The following ZNF516 variants were observed in gnomAD, a reference collection of about 807,000 sequenced individuals.
ZNF516 encodes zinc finger protein 516.
In ZNF516, 19 loss-of-function variants were observed where a neutral mutation model predicts 79.7. That is an observed-to-expected ratio of 0.24 (90% CI 0.17 to 0.35). The LOEUF is 0.35. Among genes scored for constraint, ZNF516 ranks in the 10% least tolerant of loss-of-function variants. The probability of loss-of-function intolerance (pLI) is 1.00; values close to 1 mark genes in which losing one functional copy is unlikely to be tolerated. For missense variants in ZNF516, 1,678 were observed against 1,679.5 expected (o/e 1.00, Z 0.02); for synonymous variants, 877 against 739.5 (o/e 1.19, Z -3.02).
rs138331913 is a variant in ZNF516 at position 76,358,147 on chromosome 18, T to C, written c.*4351A>G. On this transcript the variant is annotated 3_prime_UTR_variant, in exon 7 of 7. Transcript: ENST00000443185. ...CAGACCAAAGCGGGCTGTCAAACGATTTACGCCACCCTCTGAAATTGGGGA... is the reference window on the plus strand; with the variant it reads ...CAGACCAAAGCGGGCTGTCAAACGACTTACGCCACCCTCTGAAATTGGGGA... 3.7e-3 allele frequency: 567 copies of C among 152,286 alleles called. 10 individuals are homozygous for C. Among genetic ancestry groups the C allele is most frequent in the African/African-American group, 0.013 (545 of 41,550 alleles). 9.4% of individuals were successfully genotyped at this position (152,286 alleles called of 1,614,324 possible).
chr18:76,449,854 C>A (rs746852836), intron 2 of ZNF516, among the ~76,000 whole-genome samples: 3 of 152,184 alleles, frequency 2.0e-5, no homozygotes, highest in African/African-American at 4.8e-5. Context: ...AGGAACACCT[C>A]TATATTCACT....
At chr18:76,382,243 G>A (rs1466457640) in intron 3 of ZNF516, among the ~76,000 whole-genome samples, 1 of 152,180 alleles carries the variant, frequency 6.6e-6, no homozygotes, top group Admixed American at 6.5e-5. Flanking sequence ...AAAGGAGACT[G>A]GGCAGTGCTA....
intron 6 of ZNF516, among the ~76,000 whole-genome samples, chr18:76,367,806 T>C (rs527998685): frequency 1.3e-5 from 2 of 152,330 alleles, no homozygotes; most frequent in Admixed American, 6.5e-5. Context: ...CAGTGGGTGG[T>C]CAATAAATAT....
intron 1 of ZNF516, among the ~76,000 whole-genome samples, chr18:76,463,701 C>T (rs1368755747): frequency 6.6e-6 from 1 of 152,204 alleles, no homozygotes; most frequent in Non-Finnish European, 1.5e-5. Context: ...GCAACGCAGA[C>T]GTGCCCACTG....
chr18:76,398,854 G>C (rs975072916), intron 3 of ZNF516, among the ~76,000 whole-genome samples: 1 of 152,052 alleles, frequency 6.6e-6, no homozygotes, highest in African/African-American at 2.4e-5. Context: ...ATGCATAAAT[G>C]TCCAAAAACA....
rs1393849012 is a variant in ZNF516, at chr18:76,358,266, CAACT to C, written c.*4228_*4231del. On this transcript the variant is annotated 3_prime_UTR_variant, in exon 7 of 7. Transcript: ENST00000443185. Reference sequence around the variant, plus strand: ...GTTTTATCTAAATATTTTTATCACACAACTAAAACATTGAATTACTTTTTCAGAA... The same window carrying C: ...GTTTTATCTAAATATTTTTATCACACAAAACATTGAATTACTTTTTCAGAA... 2.0e-5 allele frequency: 3 copies of C among 152,148 alleles called. No individual in the cohort carries two copies. The highest frequency in any genetic ancestry group is 1.9e-4 in the East Asian group (1 of 5,202). The allele number at this position is 152,148 out of a possible 1,614,324, so 9.4% of individuals were successfully genotyped here.
chr18:76,368,672 G>A (rs995246248), intron 6 of ZNF516, among the ~76,000 whole-genome samples: 4 of 152,206 alleles, frequency 2.6e-5, no homozygotes, highest in African/African-American at 7.2e-5. Flanking sequence ...TTAGTCTAGA[G>A]AGACAAAGAG....
At chr18:76,429,599 A>G (rs2075637030) in intron 3 of ZNF516, among the ~76,000 whole-genome samples, 1 of 152,178 alleles carries the variant, frequency 6.6e-6, no homozygotes, top group Non-Finnish European at 1.5e-5. Flanking sequence ...GACCAGGGAA[A>G]GGTCAGCTTC....
intron 3 of ZNF516, among the ~76,000 whole-genome samples, chr18:76,425,551 T>C (rs1258992333): frequency 6.6e-6 from 1 of 152,236 alleles, no homozygotes; most frequent in Non-Finnish European, 1.5e-5. Context: ...ACAGATCACA[T>C]GCCACTGACA....
At chr18:76,407,514 C>G (rs997369701) in intron 3 of ZNF516, among the ~76,000 whole-genome samples, 1 of 152,116 alleles carries the variant, frequency 6.6e-6, no homozygotes, top group Non-Finnish European at 1.5e-5. Flanking sequence ...TCCATAATTA[C>G]GAGGAGACGG....
chr18:76,409,932 C>T (rs1568268858), intron 3 of ZNF516, among the ~76,000 whole-genome samples: 1 of 152,142 alleles, frequency 6.6e-6, no homozygotes, highest in Non-Finnish European at 1.5e-5. Flanking sequence ...GGGGCAGTTT[C>T]CCCCACACTG....
Position 76,379,206 on chromosome 18 carries a change from C to T in ZNF516, c.2908G>A (p.Ala970Thr). ...AATTTGGCTTTCAGGGAGTCCGGGG[C>T]ACTGTGCTTATTTGTGGGGGCAAAG... is the stretch of plus-strand genomic sequence containing the variant. ...AGFAPTNKHS[A>T]PDSLKAKFSA... is the part of the protein sequence containing the mutation. Residue 970 changes from alanine (A) to threonine (T), a missense_variant, in exon 4 of 7, where the codon GCC becomes ACC. Around this residue, in one of 5 missense-constraint regions of ZNF516, gnomAD observed 1,294 missense variants for 1,248.3 expected, o/e 1.04. Coordinates refer to ENST00000443185, the MANE Select transcript of ZNF516 (RefSeq NM_014643.4). The T allele has an allele frequency of 6.2e-7, 1 of 1,612,858 alleles. No homozygotes were observed. Among genetic ancestry groups the T allele is most frequent in the Non-Finnish European group, 8.5e-7 (1 of 1,179,744 alleles).
At chr18:76,489,800 C>A (rs1332992625) in intron 1 of ZNF516, among the ~76,000 whole-genome samples, 1 of 152,090 alleles carries the variant, frequency 6.6e-6, no homozygotes, top group African/African-American at 2.4e-5. Flanking sequence ...ATTAAGCCAT[C>A]TGGAAAGATT....
chr18:76,417,933 A>G (rs1237149456), intron 3 of ZNF516, among the ~76,000 whole-genome samples: 1 of 152,262 alleles, frequency 6.6e-6, no homozygotes, highest in Non-Finnish European at 1.5e-5. Flanking sequence ...ATTCTCGGCC[A>G]GAGGGTCAAG....
chr18:76,437,944 A>G (rs2075765354), intron 3 of ZNF516, among the ~76,000 whole-genome samples: 1 of 152,232 alleles, frequency 6.6e-6, no homozygotes. Context: ...CCATCTATTG[A>G]GTCGCAGTGA....
At chr18:76,410,829 C>A (rs890099242) in intron 3 of ZNF516, among the ~76,000 whole-genome samples, 3 of 152,118 alleles carry the variant, frequency 2.0e-5, no homozygotes, top group Non-Finnish European at 4.4e-5. Flanking sequence ...AGCAATCTCC[C>A]GGGGGAGTTT....
chr18:76,471,611 C>T (rs995602421), intron 1 of ZNF516, among the ~76,000 whole-genome samples: 2 of 152,232 alleles, frequency 1.3e-5, no homozygotes, highest in African/African-American at 4.8e-5. Flanking sequence ...ACACTCCACA[C>T]ACGACAGCTG....
chr18:76,412,792 T>C (rs1452521909), intron 3 of ZNF516, among the ~76,000 whole-genome samples: 1 of 152,212 alleles, frequency 6.6e-6, no homozygotes, highest in South Asian at 2.1e-4. Flanking sequence ...AGGGATTCCA[T>C]GGTCCCACTG....
At chr18:76,429,526 G>A (rs566862899) in intron 3 of ZNF516, among the ~76,000 whole-genome samples, 21 of 152,248 alleles carry the variant, frequency 1.4e-4, no homozygotes, top group African/African-American at 3.9e-4. Context: ...CCACAGTGAA[G>A]GAAGACGATG....
Sources: allele counts gnomAD v4.1 joint callset (sites outside exome capture counted in the v4.1 genomes callset), GRCh38; gene constraint gnomAD v4.1.1; regional missense constraint gnomAD v4.1.1; transcripts MANE v1.5; gene names NCBI Gene and HGNC (gene_info 2026-07-23, HGNC 2026-07-21).